LRP1: variants seen among roughly 807,000 people sequenced by gnomAD.
LRP1 encodes LDL receptor related protein 1.
In LRP1, 51 loss-of-function variants were observed where a neutral mutation model predicts 541.5. The ratio of observed to expected loss-of-function variants is 0.09; its 90% CI spans 0.08 to 0.12. LRP1 has a LOEUF of 0.12. LRP1 is among the 10% of genes least tolerant of loss of function. The probability of loss-of-function intolerance (pLI) is 1.00; values close to 1 mark genes in which losing one functional copy is unlikely to be tolerated. For missense variants in LRP1, 3,878 were observed against 6,376.2 expected (o/e 0.61, Z 13.34); for synonymous variants, 2,219 against 2,470.8 (o/e 0.90, Z 3.02).
Position 57,178,425 on chromosome 12 carries a change from G to A in LRP1, c.4428G>A (p.Glu1476=). ...ACATGGAGGTGCTTCGGGGACACGA[G>A]TTCCTGTCGCACCCGTTTGCAGTGA... is the stretch of plus-strand genomic sequence containing the variant. ...SGHMEVLRGH[E]FLSHPFAVTL... is the part of the protein sequence containing the mutation. Residue 1476 remains glutamate, a synonymous_variant, in exon 27 of 89, where the codon GAG becomes GAA. Coordinates refer to ENST00000243077, the MANE Select transcript of LRP1 (RefSeq NM_002332.3). The surrounding 1 kb of genome is among the most constrained non-coding windows in gnomAD (Gnocchi z 5.8). The A allele has an allele frequency of 6.2e-7, 1 of 1,614,266 alleles. No individual in the cohort carries two copies. The highest frequency in any genetic ancestry group is 8.5e-7 in the Non-Finnish European group (1 of 1,180,038).
chr12:57,211,161 C>G lies in LRP1; in HGVS notation c.12917-15C>G. On this transcript the variant is annotated splice_polypyrimidine_tract_variant and intron_variant, in intron 83 of 88. Coordinates refer to ENST00000243077, the MANE Select transcript of LRP1 (RefSeq NM_002332.3). This position sits in a 1 kb window ranked among gnomAD's most constrained non-coding sequence, Gnocchi z 4.3. ...GGGTGGGGCTTGAGGCACTTCTCTC[C>G]CTCCCCAACCACAGGGCAGTGCTCT... 1.2e-6 allele frequency: 2 copies of G among 1,612,254 alleles called. No individual in the cohort carries two copies. Among genetic ancestry groups the G allele is most frequent in the Non-Finnish European group, 1.7e-6 (2 of 1,178,544 alleles).
intron 24 of LRP1, 60 bp downstream of exon 24, chr12:57,176,166 C>A: frequency 6.4e-7 from 1 of 1,550,556 alleles, no homozygotes; most frequent in Non-Finnish European, 8.8e-7. Context: ...GCGCTAGGGG[C>A]CACAGGTCCC....
chr12:57,156,882 C>T lies in LRP1; in HGVS notation c.1523C>T (p.Ser508Phe), dbSNP rs1034718416. 1.3e-6 allele frequency: 2 copies of T among 1,594,162 alleles called. No individual in the cohort carries two copies. Among genetic ancestry groups the T allele is most frequent in the African/African-American group, 2.7e-5 (2 of 74,854 alleles). The change falls in exon 10 of 89, where the codon TCC (serine) becomes TTC (phenylalanine). Residue 508 changes from serine (S) to phenylalanine (F), a missense_variant. Coordinates refer to ENST00000243077, the MANE Select transcript of LRP1 (RefSeq NM_002332.3). This position sits in a 1 kb window ranked among gnomAD's most constrained non-coding sequence, Gnocchi z 5.2. Reference protein sequence around the residue: ...SHKARTCRCRSGFSLGSDGKS... With the variant: ...SHKARTCRCRFGFSLGSDGKS... ...AAGGCGCGGACCTGCCGCTGCCGTT[C>T]CGGCTTCAGCCTGGGCAGTGACGGG...
rs771405204 is a variant in LRP1, at chr12:57,205,857, G to A, written c.11590+180G>A. On this transcript the variant is annotated intron_variant, in intron 75 of 88. Coordinates refer to ENST00000243077, the MANE Select transcript of LRP1 (RefSeq NM_002332.3). This position sits in a 1 kb window ranked among gnomAD's most constrained non-coding sequence, Gnocchi z 4.6. ...CCCAGCAGTGGGGGCAGGTCCTGGG[G>A]CTGGCTGACTGAAGGAGTCTGGGGT... 16 of 922,626 alleles carry A rather than the reference G, an allele frequency of 1.7e-5. No individual in the cohort carries two copies. The highest frequency in any genetic ancestry group is 2.4e-5 in the Non-Finnish European group (15 of 629,842). 57.2% of individuals were successfully genotyped at this position (922,626 alleles called of 1,614,324 possible). A position where few individuals can be genotyped will look rare whatever the true frequency, so the allele number is the denominator to read the frequency against.
Position 57,195,333 on chromosome 12 carries a change from C to T in LRP1, c.8371C>T (p.Arg2791Cys), listed in dbSNP as rs755214895. 8 of 1,613,058 alleles carry T rather than the reference C, an allele frequency of 5.0e-6. No individual in the cohort carries two copies. The highest frequency in any genetic ancestry group is 6.8e-6 in the Non-Finnish European group (8 of 1,180,030). Residue 2791 changes from arginine (R) to cysteine (C), a missense_variant, in exon 52 of 89, where the codon CGC (arginine) becomes TGC (cysteine). By Grantham distance (180) the Arg-to-Cys change is radical (BLOSUM62 -3). This residue lies in a region of LRP1 where 1,100 missense variants were observed against 1,827.4 expected (regional missense o/e 0.60). Coordinates refer to ENST00000243077, the MANE Select transcript of LRP1 (RefSeq NM_002332.3). Reference protein sequence around the residue: ...CPGTHVCVPERWLCDGDKDCA... With the variant: ...CPGTHVCVPECWLCDGDKDCA... ...TGGCACCCACGTGTGCGTCCCCGAG[C>T]GCTGGCTCTGTGACGGTGACAAAGA...
At position 57,208,676 on chromosome 12, in the gene LRP1, C is replaced by T. The variant is rs200479300; in HGVS notation, c.12039-35C>T. The T allele has an allele frequency of 4.8e-4, 691 of 1,428,248 alleles. 7 individuals are homozygous for T. In the South Asian group the frequency reaches 5.2e-3, roughly 11 times the overall value. 88.5% of individuals were successfully genotyped at this position (1,428,248 alleles called of 1,614,324 possible). A position where few individuals can be genotyped will look rare whatever the true frequency, so the allele number is the denominator to read the frequency against. On this transcript the variant is annotated intron_variant, in intron 77 of 88. Coordinates refer to ENST00000243077, the MANE Select transcript of LRP1 (RefSeq NM_002332.3). ...CCTGGGCCTGCCTCCTCTGGCCCTCCGGCCTGCCCACACTCACCCCTTCTC... is the reference window on the plus strand; with the variant it reads ...CCTGGGCCTGCCTCCTCTGGCCCTCTGGCCTGCCCACACTCACCCCTTCTC...
Position 57,158,618 on chromosome 12 carries a change from G to A in LRP1, c.1778G>A (p.Arg593Gln), listed in dbSNP as rs1455835410. The change falls in exon 11 of 89, where the codon CGG becomes CAG. Residue 593 changes from arginine to glutamine, a missense_variant. By Grantham distance (43) the Arg-to-Gln change is conservative. Transcript: ENST00000243077. The surrounding 1 kb of genome is among the most constrained non-coding windows in gnomAD (Gnocchi z 5.3). ...CGCCAGAAGATTGATGGCACTGAGC[G>A]GGAGACCATCCTGAAGGACGGTATG... ...IGRQKIDGTE[R>Q]ETILKDGIHN... is the part of the protein sequence containing the mutation. 2 of 1,614,120 alleles carry A rather than the reference G, an allele frequency of 1.2e-6. No individual in the cohort carries two copies. The highest frequency in any genetic ancestry group is 1.7e-6 in the Non-Finnish European group (2 of 1,180,002).
chr12:57,198,543 C>T lies in LRP1; in HGVS notation c.9549C>T (p.Ile3183=), dbSNP rs759946790. The change falls in exon 60 of 89, where the codon ATC becomes ATT. Residue 3183 remains isoleucine (I), a synonymous_variant. Transcript: ENST00000243077. Reference sequence around the variant, plus strand: ...TGGATGGGTCCAGCCGCAGCGTCATCGTGGACACCAAGATCACATGGCCCA... The same window carrying T: ...TGGATGGGTCCAGCCGCAGCGTCATTGTGGACACCAAGATCACATGGCCCA... The part of the protein sequence containing the change: ...IGMDGSSRSV[I]VDTKITWPNG... 28 of 1,613,860 alleles carry T rather than the reference C, an allele frequency of 1.7e-5. No homozygotes were observed. The highest frequency in any genetic ancestry group is 2.1e-5 in the Non-Finnish European group (25 of 1,179,988).
chr12:57,144,300 A>AT lies in LRP1; in HGVS notation c.448+511dup, dbSNP rs897079604. Among the ~76,000 whole-genome samples, 536 of 151,758 alleles carry AT rather than the reference A, an allele frequency of 3.5e-3. 3 individuals are homozygous for AT. The highest frequency in any genetic ancestry group is 0.012 in the African/African-American group (483 of 41,366). ...TTTTCACTCATCAGTATGTTCCACA[A>AT]TTTTTTTTTCTGTGTTAATATGTAA... On this transcript the variant is annotated intron_variant, in intron 4 of 88. Transcript: ENST00000243077.
chr12:57,194,483 G>A lies in LRP1; in HGVS notation c.8048G>A (p.Ser2683Asn), dbSNP rs1193072373. Reference sequence around the variant, plus strand: ...GGCGCCAATGACTGTGGGGACTACAGTGATGAGCGCGACTGCCCAGGTGGG... The same window carrying A: ...GGCGCCAATGACTGTGGGGACTACAATGATGAGCGCGACTGCCCAGGTGGG... ...CDGANDCGDY[S>N]DERDCPGVKR... is the part of the protein sequence containing the mutation. Residue 2683 changes from serine (S) to asparagine (N), a missense_variant, in exon 49 of 89, where the codon AGT becomes AAT. Physicochemically the swap from Ser to Asn is conservative, Grantham distance 46. Transcript: ENST00000243077. 1.2e-6 allele frequency: 2 copies of A among 1,601,404 alleles called. No individual in the cohort carries two copies. The highest frequency in any genetic ancestry group is 3.5e-5 in the Admixed American group (2 of 57,720).
Position 57,206,152 on chromosome 12 carries a change from T to C in LRP1, c.11591-321T>C, listed in dbSNP as rs1256682007. 6.6e-6 allele frequency among the ~76,000 whole-genome samples: 1 copy of C among 152,234 alleles called. No homozygotes were observed. Among genetic ancestry groups the C allele is most frequent in the African/African-American group, 2.4e-5 (1 of 41,462 alleles). ...ATGTGCCTATGCACCCCCGAGCATG[T>C]GCCAGGCAGTTTGTAGCAGAGAGCG... On this transcript the variant is annotated intron_variant, in intron 75 of 88. Coordinates refer to ENST00000243077, the MANE Select transcript of LRP1 (RefSeq NM_002332.3). This position sits in a 1 kb window ranked among gnomAD's most constrained non-coding sequence, Gnocchi z 4.7.
At chr12:57,180,298 A>G (rs1276644481) in intron 31 of LRP1, 32 bp from the exon 32 acceptor site, 1 of 1,611,306 alleles carries the variant, frequency 6.2e-7, no homozygotes, top group Admixed American at 1.7e-5. Flanking sequence ...GCCCTGGGCC[A>G]GACTCCCCGG....
intron 1 of LRP1, among the ~76,000 whole-genome samples, chr12:57,134,317 T>G (rs1413455805): frequency 6.6e-6 from 1 of 152,172 alleles, no homozygotes; most frequent in Non-Finnish European, 1.5e-5. Context: ...CCATTCTTGC[T>G]CCTCTCTGTC....
chr12:57,135,274 T>A (rs1352083842), intron 1 of LRP1, among the ~76,000 whole-genome samples: 2 of 152,222 alleles, frequency 1.3e-5, no homozygotes, highest in Non-Finnish European at 2.9e-5. Context: ...AAGGCCTTAG[T>A]TGCTTTTGAC....
Position 57,184,390 on chromosome 12 carries a change from G to A in LRP1, c.6124G>A (p.Glu2042Lys). Residue 2042 changes from glutamate (E) to lysine (K), a missense_variant, in exon 38 of 89, where the codon GAG (glutamate) becomes AAG (lysine). Glu to Lys is a moderately conservative substitution (Grantham distance 56). Around this residue, in one of 13 missense-constraint regions of LRP1, gnomAD observed 1,100 missense variants for 1,827.4 expected, o/e 0.60. Coordinates refer to ENST00000243077, the MANE Select transcript of LRP1 (RefSeq NM_002332.3). This position sits in a 1 kb window ranked among gnomAD's most constrained non-coding sequence, Gnocchi z 7.8. ...TGAGCGGTCTCGGCTAGATGGCACG[G>A]AGCGTGTGGTGCTGGTCAACGTCAG... ...RIERSRLDGT[E>K]RVVLVNVSIS... The A allele has an allele frequency of 6.2e-7, 1 of 1,614,248 alleles. No homozygotes were observed. Among genetic ancestry groups the A allele is most frequent in the Non-Finnish European group, 8.5e-7 (1 of 1,180,040 alleles).
chr12:57,203,632 ATAT>A, intron 70 of LRP1, 111 bp downstream of exon 70: 2 of 1,319,574 alleles, frequency 1.5e-6, no homozygotes, highest in Non-Finnish European at 2.0e-6. Context: ...CATGCAACAA[ATAT>A]TTATTAAGCA....
rs896927130 is a variant in LRP1 at position 57,169,325 on chromosome 12, G to T, written c.3163+18G>T. The T allele has an allele frequency of 9.4e-6, 15 of 1,591,284 alleles. No homozygotes were observed. Among genetic ancestry groups the T allele is most frequent in the African/African-American group, 5.4e-5 (4 of 74,546 alleles). ...CAACCAGGGTGGGCACCAGGGGCCC[G>T]TGGGGTGGGGATGAGATCGAGCCCC... is the stretch of plus-strand genomic sequence containing the variant. On this transcript the variant is annotated intron_variant, in intron 20 of 88. Transcript: ENST00000243077.
chr12:57,145,518 G>A (rs1400052893), intron 6 of LRP1, 28 bp downstream of exon 6: 1 of 1,607,248 alleles, frequency 6.2e-7, no homozygotes, highest in Non-Finnish European at 8.5e-7. Flanking sequence ...AGCTTGGAGG[G>A]CTGGGGAGGG....
intron 78 of LRP1, 76 bp downstream of exon 78, chr12:57,208,893 C>T (rs2036846989): frequency 3.8e-6 from 5 of 1,325,228 alleles, no homozygotes; most frequent in Non-Finnish European, 5.4e-6. Context: ...GCTGAAGTCA[C>T]ACAAAAGCAA....
Sources: gnomAD v4.1 joint callset for allele counts (sites outside exome capture counted in the v4.1 genomes callset) on GRCh38, gnomAD v4.1.1 for gene constraint, gnomAD v4.1.1 regional missense constraint, Gnocchi (gnomAD v3.1) non-coding constraint, MANE v1.5 for transcripts, NCBI Gene and HGNC (gene_info 2026-07-23, HGNC 2026-07-21) for gene names.